Variants in SAXO1 observed in about 807,000 individuals in gnomAD.
SAXO1 encodes the protein 4930500O09Rik.
Under a neutral mutation model 17.5 loss-of-function variants are expected in SAXO1, and 21 were observed. That is an observed-to-expected ratio of 1.20 (90% CI 0.85 to 1.72). The LOEUF (loss-of-function observed/expected upper bound fraction) is 1.72. Among genes scored for constraint, SAXO1 ranks in the 40% most tolerant of loss-of-function variants. SAXO1 has a pLI of 0.00. For missense variants in SAXO1, 843 were observed against 596.0 expected (o/e 1.41, Z -4.32); for synonymous variants, 274 against 216.5 (o/e 1.27, Z -2.33).
intron 1 of SAXO1, among the ~76,000 whole-genome samples, chr9:18,964,371 G>A (rs1002186820): frequency 3.3e-5 from 5 of 152,156 alleles, no homozygotes; most frequent in African/African-American, 1.2e-4. Flanking sequence ...TGTACCTCTG[G>A]TAGAATTCAG....
intron 1 of SAXO1, among the ~76,000 whole-genome samples, chr9:19,047,898 C>A (rs113079673): frequency 1.3e-5 from 2 of 152,180 alleles, no homozygotes; most frequent in African/African-American, 4.8e-5. Context: ...CTCGAAAGAA[C>A]GGGGAAGGGA....
Position 19,008,628 on chromosome 9 carries a change from A to T in SAXO1, c.38+24243T>A, listed in dbSNP as rs533625916. 5.3e-5 allele frequency among the ~76,000 whole-genome samples: 8 copies of T among 152,302 alleles called. No homozygotes were observed. The South Asian group carries it at 1.7e-3, about 32-fold the overall frequency. ...TTATCTTCCTCTTTTTCCTTAGCAAAACAATCCCCAAATAACTGTGCCAGC... is the reference window on the plus strand; with the variant it reads ...TTATCTTCCTCTTTTTCCTTAGCAATACAATCCCCAAATAACTGTGCCAGC... On this transcript the variant is annotated intron_variant, in intron 1 of 3. Coordinates refer to ENST00000380534, the MANE Select transcript of SAXO1 (RefSeq NM_153707.4).
chr9:18,967,372 T>A (rs542883271), intron 1 of SAXO1, among the ~76,000 whole-genome samples: 4 of 150,248 alleles, frequency 2.7e-5, no homozygotes, highest in East Asian at 3.9e-4. Flanking sequence ...AGGTGCTCTG[T>A]CCCAGGGAGA....
At chr9:18,937,573 C>T (rs1031043529) in intron 3 of SAXO1, among the ~76,000 whole-genome samples, 1 of 152,140 alleles carries the variant, frequency 6.6e-6, no homozygotes, top group Admixed American at 6.5e-5. Flanking sequence ...AACTTAATCC[C>T]CAATACGGTG....
rs549686191 is a variant in SAXO1, at chr9:19,045,887, C to T, written c.-158+3322G>A. Among the ~76,000 whole-genome samples the T allele has an allele frequency of 2.0e-5, 3 of 152,076 alleles. No homozygotes were observed. The East Asian group carries it at 5.8e-4, about 29-fold the overall frequency. ...TTTTTGAACTTCTTTTACTGCCGGG[C>T]GCGGTGGCTCACCAACATGGAGAAA... On this transcript the variant is annotated intron_variant, in intron 1 of 3. Coordinates refer to the SAXO1 transcript ENST00000542071.
At chr9:18,944,533 C>T (rs1831710855) in intron 2 of SAXO1, among the ~76,000 whole-genome samples, 1 of 152,130 alleles carries the variant, frequency 6.6e-6, no homozygotes, top group Non-Finnish European at 1.5e-5. Flanking sequence ...GGTACATTTC[C>T]CAGTCTCTGT....
At chr9:19,047,040 A>C (rs1362614786) in intron 1 of SAXO1, among the ~76,000 whole-genome samples, 1 of 152,176 alleles carries the variant, frequency 6.6e-6, no homozygotes, top group Non-Finnish European at 1.5e-5. Flanking sequence ...TACAAAAATT[A>C]GCCAGGTATG....
At chr9:19,015,025 A>G (rs772571301) in intron 1 of SAXO1, among the ~76,000 whole-genome samples, 6 of 152,132 alleles carry the variant, frequency 3.9e-5, no homozygotes, top group Non-Finnish European at 8.8e-5. Context: ...CTAAAAAACG[A>G]GAGAGAGTAC....
At chr9:19,041,238 T>G (rs1836071949) in intron 1 of SAXO1, among the ~76,000 whole-genome samples, 1 of 145,898 alleles carries the variant, frequency 6.9e-6, no homozygotes, top group Non-Finnish European at 1.5e-5. Context: ...TAGTTAACCA[T>G]GGAAGTGAAA....
In SAXO1 at chr9:19,013,291, G is replaced by A. The variant is rs185831520; in HGVS notation, c.38+19580C>T. ...GGTGCCTAAAGATCTTCACCACTGC[G>A]GGGGTAACAAAGCCAGGCTATAATA... On this transcript the variant is annotated intron_variant, in intron 1 of 3. Transcript: ENST00000380534. 1.4e-4 allele frequency among the ~76,000 whole-genome samples: 22 copies of A among 152,256 alleles called. 1 individual carries two copies. The highest frequency in any genetic ancestry group is 9.6e-4 in the East Asian group (5 of 5,184).
At chr9:18,992,097 T>C (rs184266130) in intron 1 of SAXO1, among the ~76,000 whole-genome samples, 5 of 152,302 alleles carry the variant, frequency 3.3e-5, no homozygotes, top group South Asian at 2.1e-4. Flanking sequence ...TCCCATTCTA[T>C]AGATAAGGGA....
At chr9:18,972,556 TA>T (rs1179503708) in intron 1 of SAXO1, among the ~76,000 whole-genome samples, 6 of 152,294 alleles carry the variant, frequency 3.9e-5, no homozygotes, top group African/African-American at 1.4e-4. Flanking sequence ...ACAGAAGGTC[TA>T]CAAAAAAACT....
At chr9:19,004,429 C>A (rs139492900) in intron 1 of SAXO1, among the ~76,000 whole-genome samples, 32 of 152,098 alleles carry the variant, frequency 2.1e-4, no homozygotes, top group African/African-American at 7.5e-4. Context: ...ATGTTTATTG[C>A]GGCACTATTC....
intron 1 of SAXO1, among the ~76,000 whole-genome samples, chr9:18,990,173 T>C (rs75133233): frequency 0.52 from 77,987 of 151,140 alleles, 21,658 homozygotes; most frequent in Non-Finnish European, 0.63. Context: ...ATGGACTTTT[T>C]TTTTTTTTTT....
At chr9:19,020,338 G>A (rs1835168403) in intron 1 of SAXO1, among the ~76,000 whole-genome samples, 1 of 137,278 alleles carries the variant, frequency 7.3e-6, no homozygotes, top group African/African-American at 2.5e-5. Context: ...TCAGCCTGTC[G>A]AAATAATTTT....
rs552683734 is a variant in SAXO1, at chr9:18,989,630, TA to T, written c.39-38694del. On this transcript the variant is annotated intron_variant, in intron 1 of 3. Coordinates refer to ENST00000380534, the MANE Select transcript of SAXO1 (RefSeq NM_153707.4). Reference sequence around the variant, plus strand: ...CAAATGTTTAGTACTTTCAGGCTTTTAAAAAAAAATAAACAACTCATAAGTT... The same window carrying T: ...CAAATGTTTAGTACTTTCAGGCTTTTAAAAAAAATAAACAACTCATAAGTT... Among the ~76,000 whole-genome samples, 7 of 151,480 alleles carry T rather than the reference TA, an allele frequency of 4.6e-5. No individual in the cohort carries two copies. In the South Asian group the frequency reaches 1.0e-3, roughly 23 times the overall value.
chr9:18,985,151 T>C (rs561183578), intron 1 of SAXO1, among the ~76,000 whole-genome samples: 88 of 150,604 alleles, frequency 5.8e-4, no homozygotes, highest in African/African-American at 2.0e-3. Flanking sequence ...GAATGGCCGA[T>C]TGGTGGAGTA....
chr9:18,946,279 C>CAA (rs56858815), intron 2 of SAXO1, among the ~76,000 whole-genome samples: 3,483 of 34,480 alleles, frequency 0.1, 648 homozygotes, highest in African/African-American at 0.18. Flanking sequence ...TTCATCTCAC[C>CAA]AAAAAAAAAA....
intron 1 of SAXO1, among the ~76,000 whole-genome samples, chr9:19,022,022 T>G (rs1835258449): frequency 6.6e-6 from 1 of 152,382 alleles, no homozygotes; most frequent in African/African-American, 2.4e-5. Context: ...TTTGTTCTTT[T>G]GCTCTTCACA....
Sources: allele counts gnomAD v4.1 joint callset (sites outside exome capture counted in the v4.1 genomes callset), GRCh38; gene constraint gnomAD v4.1.1; transcripts MANE v1.5; gene names NCBI Gene and HGNC (gene_info 2026-07-23, HGNC 2026-07-21).